PRKCE: variants seen among roughly 807,000 people sequenced by gnomAD.
PRKCE encodes the protein protein kinase C epsilon.
A neutral mutation model predicts 85.4 loss-of-function variants in PRKCE; 16 were observed. The observed-to-expected ratio is 0.19, with a 90% CI of 0.13 to 0.28. PRKCE has a LOEUF of 0.28. Among genes scored for constraint, PRKCE ranks in the 10% least tolerant of loss-of-function variants. The pLI is 1.00. For synonymous variants in PRKCE, 388 were observed against 371.5 expected (o/e 1.04, Z -0.51); for missense variants, 573 against 975.2 (o/e 0.59, Z 5.49).
At chr2:46,122,894 T>G (rs1306141677) in intron 11 of PRKCE, among the ~76,000 whole-genome samples, 4 of 149,714 alleles carry the variant, frequency 2.7e-5, no homozygotes, top group Non-Finnish European at 5.9e-5. Context: ...TTTTTTTTTT[T>G]TTTTTTTTTT....
intron 6 of PRKCE, among the ~76,000 whole-genome samples, chr2:45,991,469 A>G (rs150093514): frequency 1.4e-4 from 21 of 152,330 alleles, no homozygotes; most frequent in African/African-American, 4.3e-4. Context: ...GCATAGTTAT[A>G]TAATTTGCTT....
At chr2:46,098,462 G>A (rs1670914243) in intron 11 of PRKCE, among the ~76,000 whole-genome samples, 1 of 152,168 alleles carries the variant, frequency 6.6e-6, no homozygotes, top group African/African-American at 2.4e-5. Context: ...TTTGCAAGTG[G>A]CTGAGTGCAC....
intron 2 of PRKCE, among the ~76,000 whole-genome samples, chr2:45,892,819 C>T (rs1424504661): frequency 6.6e-6 from 1 of 152,192 alleles, no homozygotes; most frequent in Admixed American, 6.5e-5. Context: ...TTACAGCCTG[C>T]ACCAGTATAG....
At position 45,888,160 on chromosome 2, in the gene PRKCE, G is replaced by C. The variant is rs149328142; in HGVS notation, c.412+45097G>C. ...GTGGATGATCCCAGATATAACAGAT[G>C]GCAAAGAATTAAAAGTGGCAAAAGG... On this transcript the variant is annotated intron_variant, in intron 2 of 14. Coordinates refer to ENST00000306156, the MANE Select transcript of PRKCE (RefSeq NM_005400.3). Among the ~76,000 whole-genome samples the C allele has an allele frequency of 7.6e-4, 115 of 152,308 alleles. 1 individual carries two copies. In the East Asian group the frequency reaches 0.016, roughly 21 times the overall value.
chr2:46,032,373 A>G (rs978067206), intron 10 of PRKCE, among the ~76,000 whole-genome samples: 1 of 152,142 alleles, frequency 6.6e-6, no homozygotes, highest in African/African-American at 2.4e-5. Context: ...GCATTTGTCT[A>G]TGGAATGAGC....
intron 4 of PRKCE, among the ~76,000 whole-genome samples, chr2:45,979,706 G>A (rs929099712): frequency 1.3e-5 from 2 of 152,110 alleles, no homozygotes; most frequent in Admixed American, 1.3e-4. Flanking sequence ...CTGTTCCTTG[G>A]GGTAACACGC....
chr2:45,727,431 G>T (rs993756116), intron 1 of PRKCE, among the ~76,000 whole-genome samples: 3 of 152,240 alleles, frequency 2.0e-5, no homozygotes, highest in African/African-American at 7.2e-5. Flanking sequence ...GCTTCCCGGA[G>T]GACGGGGTTC....
intron 1 of PRKCE, among the ~76,000 whole-genome samples, chr2:45,833,756 T>C (rs4952780): frequency 0.5 from 75,310 of 152,102 alleles, 18,829 homozygotes; most frequent in Middle Eastern, 0.59. Flanking sequence ...ATAGGGACCA[T>C]TGCAAATCAA....
intron 1 of PRKCE, among the ~76,000 whole-genome samples, chr2:45,836,468 G>A (rs1690885410): frequency 1.3e-5 from 2 of 152,218 alleles, no homozygotes; most frequent in South Asian, 4.1e-4. Flanking sequence ...AGCTGCTGCT[G>A]AGTTGCTCAT....
chr2:45,700,310 G>C (rs956746238), intron 1 of PRKCE, among the ~76,000 whole-genome samples: 3 of 152,048 alleles, frequency 2.0e-5, no homozygotes, highest in African/African-American at 7.2e-5. Context: ...GGAAAACTAA[G>C]GGTGGTGAGG....
At chr2:45,818,754 T>C (rs1480357422) in intron 1 of PRKCE, among the ~76,000 whole-genome samples, 1 of 152,200 alleles carries the variant, frequency 6.6e-6, no homozygotes, top group African/African-American at 2.4e-5. Context: ...ATCATTTTAA[T>C]ACCTTGTTTT....
Position 45,980,370 on chromosome 2 carries a change from A to T in PRKCE, c.682A>T (p.Thr228Ser), listed in dbSNP as rs933993732. The change falls in exon 5 of 15, where the codon ACC (threonine) becomes TCC (serine). Residue 228 changes from threonine to serine, a missense_variant. Transcript: ENST00000306156. ...GTGTGCTGGGTTAAAGAAGCAGGAG[A>T]CCCCCGACCAGGTAAGTGTTGGTGA... is the stretch of plus-strand genomic sequence containing the variant. ...TKCAGLKKQETPDQVGSQRFS... is the reference protein window; with the variant it reads ...TKCAGLKKQESPDQVGSQRFS... 2.5e-6 allele frequency: 4 copies of T among 1,599,410 alleles called. No individual in the cohort carries two copies. The highest frequency in any genetic ancestry group is 3.4e-6 in the Non-Finnish European group (4 of 1,179,884).
At chr2:45,982,402 A>G (rs1026843211) in intron 5 of PRKCE, among the ~76,000 whole-genome samples, 1 of 152,136 alleles carries the variant, frequency 6.6e-6, no homozygotes, top group African/African-American at 2.4e-5. Context: ...TGCTCTGGTG[A>G]TGGACTTCTT....
chr2:46,148,602 C>T (rs545241918), intron 12 of PRKCE, among the ~76,000 whole-genome samples: 1 of 152,242 alleles, frequency 6.6e-6, no homozygotes, highest in Non-Finnish European at 1.5e-5. Flanking sequence ...TAGATACACA[C>T]AGTGGCCATG....
At chr2:46,023,798 T>TGATTTGGGGATGCATAAGATCTAA in intron 10 of PRKCE, among the ~76,000 whole-genome samples, 1 of 152,322 alleles carries the variant, frequency 6.6e-6, no homozygotes, top group African/African-American at 2.4e-5. Flanking sequence ...GCTTCTGGTG[T>TGATTTGGGGATGCATAAGATCTAA]AGCCTGAAAG....
At chr2:45,716,706 G>GAA in intron 1 of PRKCE, among the ~76,000 whole-genome samples, 1 of 103,982 alleles carries the variant, frequency 9.6e-6, no homozygotes, top group Non-Finnish European at 2.1e-5. Flanking sequence ...AAGGAAGGAA[G>GAA]GAAGGAAGGA....
intron 1 of PRKCE, among the ~76,000 whole-genome samples, chr2:45,731,242 G>GT (rs1681546417): frequency 6.6e-6 from 1 of 152,210 alleles, no homozygotes; most frequent in South Asian, 2.1e-4. Context: ...GTTATGCACA[G>GT]TTTTTGCCTA....
In PRKCE at chr2:45,783,593, C is replaced by G. The variant is rs139925204; in HGVS notation, c.349-59407C>G. ...CCTTTGGTTGTATGGAAGTCGTTCTCTTACTGTTTAATCCAACCTCCAGTG... is the reference window on the plus strand; with the variant it reads ...CCTTTGGTTGTATGGAAGTCGTTCTGTTACTGTTTAATCCAACCTCCAGTG... On this transcript the variant is annotated intron_variant, in intron 1 of 14. Transcript: ENST00000306156. Among the ~76,000 whole-genome samples the G allele has an allele frequency of 1.5e-3, 222 of 152,326 alleles. 1 individual carries two copies. Among genetic ancestry groups the G allele is most frequent in the African/African-American group, 5.1e-3 (214 of 41,574 alleles).
At position 46,159,938 on chromosome 2, in the gene PRKCE, A is replaced by ACT; in HGVS notation, c.2067+186_2067+187insCT. The ACT allele has an allele frequency of 1.6e-6, 1 of 635,568 alleles. No homozygotes were observed. Among genetic ancestry groups the ACT allele is most frequent in the African/African-American group, 1.9e-5 (1 of 52,554 alleles). The allele number at this position is 635,568 out of a possible 1,614,324, so 39.4% of individuals were successfully genotyped here. Reference sequence around the variant, plus strand: ...GCCCCAAGTGTTTACTATTGAAAACATGTAACCTACTACAGCAGCACCCAA... The same window carrying ACT: ...GCCCCAAGTGTTTACTATTGAAAACACTTGTAACCTACTACAGCAGCACCCAA... On this transcript the variant is annotated intron_variant, in intron 14 of 14. Coordinates refer to ENST00000306156, the MANE Select transcript of PRKCE (RefSeq NM_005400.3). The surrounding 1 kb of genome is among the most constrained non-coding windows in gnomAD (Gnocchi z 4.1).
Sources: allele counts gnomAD v4.1 joint callset (sites outside exome capture counted in the v4.1 genomes callset), GRCh38; gene constraint gnomAD v4.1.1; non-coding constraint Gnocchi (gnomAD v3.1); transcripts MANE v1.5; gene names NCBI Gene and HGNC (gene_info 2026-07-23, HGNC 2026-07-21).